Variants in KXD1 observed in about 807,000 individuals in gnomAD.
The protein encoded by KXD1 is kxDL motif-containing protein 1.
A neutral mutation model predicts 12.1 loss-of-function variants in KXD1; 5 were observed. That is an observed-to-expected ratio of 0.41 (90% confidence interval 0.22 to 0.87). KXD1 has a LOEUF of 0.87. Ranked by LOEUF, KXD1 falls within the 40% of genes least tolerant of loss-of-function variation. The pLI is 0.31. For synonymous variants in KXD1, 98 were observed against 100.5 expected (o/e 0.98, Z 0.15); for missense variants, 193 against 244.9 (o/e 0.79, Z 1.41).
intron 1 of KXD1, chr19:18,561,709 G>A (rs1169667153): frequency 1.1e-5 from 2 of 178,394 alleles, no homozygotes; most frequent in Non-Finnish European, 2.4e-5. Flanking sequence ...GCAGTTGTTA[G>A]GCAGGGGATG....
chr19:18,565,478 C>G (rs568349865), intron 3 of KXD1, among the ~76,000 whole-genome samples: 1 of 152,104 alleles, frequency 6.6e-6, no homozygotes, highest in African/African-American at 2.4e-5. Flanking sequence ...GTGATCCAGC[C>G]GCCTTGGCCT....
At chr19:18,564,006 C>T (rs986529530) in intron 2 of KXD1, among the ~76,000 whole-genome samples, 1 of 152,066 alleles carries the variant, frequency 6.6e-6, no homozygotes, top group Non-Finnish European at 1.5e-5. Flanking sequence ...CCTGCCTCAG[C>T]CTCCCGAGTA....
chr19:18,558,131 C>T (rs1240977335), intron 1 of KXD1: 1 of 152,672 alleles, frequency 6.5e-6, no homozygotes, highest in East Asian at 1.9e-4. Context: ...GGATCCGGAT[C>T]AGGGGCATAG....
At position 18,568,422 on chromosome 19, in the gene KXD1, C is replaced by G; in HGVS notation, c.322C>G (p.Leu108Val). ...AFSHIPEASF[L>V]EEEDEDPIPP... The stretch of plus-strand genomic sequence containing the variant: ...CCCAGATATCCCAGAGGCATCCTTC[C>G]TGGAGGAAGAGGATGAAGACCCCAT... Residue 108 changes from leucine to valine, a missense_variant, in exon 5 of 5, where the codon CTG becomes GTG. Transcript: ENST00000222307. 1 of 1,614,094 alleles carries G rather than the reference C, an allele frequency of 6.2e-7. No individual in the cohort carries two copies. The highest frequency in any genetic ancestry group is 8.5e-7 in the Non-Finnish European group (1 of 1,179,980).
chr19:18,559,476 C>T (rs1475968997), intron 1 of KXD1: 1 of 152,146 alleles, frequency 6.6e-6, no homozygotes, highest in Non-Finnish European at 1.5e-5. Flanking sequence ...ATGCTCTTGG[C>T]CTCCATGATA....
chr19:18,558,928 G>C (rs1365568812), intron 1 of KXD1: 2 of 145,370 alleles, frequency 1.4e-5, no homozygotes, highest in Non-Finnish European at 3.0e-5. Context: ...GAAGGTCCCA[G>C]TACTGTGTCT....
At chr19:18,565,375 G>A (rs1477500296) in intron 3 of KXD1, among the ~76,000 whole-genome samples, 1 of 151,806 alleles carries the variant, frequency 6.6e-6, no homozygotes, top group Admixed American at 6.6e-5. Flanking sequence ...GATTACAGGT[G>A]CCTACCACCA....
chr19:18,560,930 C>T (rs59798925), intron 1 of KXD1, among the ~76,000 whole-genome samples: 73,119 of 151,654 alleles, frequency 0.48, 19,205 homozygotes, highest in East Asian at 0.66. Context: ...TGGTCTCGAA[C>T]TCCTGACCTC....
intron 1 of KXD1, 53 bp from the exon 2 acceptor site, chr19:18,561,983 G>GTCCCA: frequency 8.0e-7 from 1 of 1,256,590 alleles, no homozygotes; most frequent in Non-Finnish European, 1.1e-6. Flanking sequence ...TGGCCTCTTG[G>GTCCCA]TCCCACCTCA....
intron 1 of KXD1, chr19:18,559,933 CTT>C (rs766557131): frequency 7.9e-5 from 12 of 151,406 alleles, no homozygotes; most frequent in African/African-American, 1.5e-4. Context: ...CTCTTTCTCT[CTT>C]TGTCTCTCTC....
chr19:18,565,362 T>C (rs1478050296), intron 3 of KXD1, among the ~76,000 whole-genome samples: 2 of 151,878 alleles, frequency 1.3e-5, no homozygotes, highest in Non-Finnish European at 2.9e-5. Context: ...CCGGAGTAGC[T>C]GGGATTACAG....
chr19:18,559,605 TAAG>T (rs977607233), intron 1 of KXD1: 4 of 152,192 alleles, frequency 2.6e-5, no homozygotes, highest in Non-Finnish European at 4.4e-5. Context: ...TCAGCTGCTG[TAAG>T]AAGCCACTGT....
chr19:18,568,868 G>A lies in KXD1; in HGVS notation c.*237G>A. 1 of 543,518 alleles carries A rather than the reference G, an allele frequency of 1.8e-6. No individual in the cohort carries two copies. Among genetic ancestry groups the A allele is most frequent in the Non-Finnish European group, 3.3e-6 (1 of 304,690 alleles). 33.7% of individuals were successfully genotyped at this position (543,518 alleles called of 1,614,324 possible). On this transcript the variant is annotated 3_prime_UTR_variant, in exon 5 of 5. Coordinates refer to ENST00000222307, the MANE Select transcript of KXD1 (RefSeq NM_024069.4). ...TGCAAGACCCCTCTGCCATGCCAGG[G>A]CACGCCCATTCCAGCTGGAGTCGTG...
intron 2 of KXD1, among the ~76,000 whole-genome samples, chr19:18,562,799 T>G (rs945487654): frequency 2.6e-5 from 4 of 152,182 alleles, no homozygotes; most frequent in Admixed American, 6.6e-5. Context: ...TACTTCCTGG[T>G]GAAGGACTAG....
Sources: gnomAD v4.1 joint callset for allele counts (sites outside exome capture counted in the v4.1 genomes callset) on GRCh38, gnomAD v4.1.1 for gene constraint, MANE v1.5 for transcripts, NCBI Gene and HGNC (gene_info 2026-07-23, HGNC 2026-07-21) for gene names.